Variants in FAM78B observed in about 807,000 individuals in gnomAD.
The protein encoded by FAM78B is protein FAM78B.
In FAM78B, 10 loss-of-function variants were observed where a neutral mutation model predicts 20.0. The ratio of observed to expected loss-of-function variants is 0.50; its 90% CI spans 0.31 to 0.85. FAM78B has a LOEUF of 0.85. Ranked by LOEUF, FAM78B falls within the 40% of genes least tolerant of loss-of-function variation. The pLI is 0.05. For missense variants in FAM78B, 283 were observed against 345.0 expected, an observed-to-expected ratio of 0.82 and a Z score of 1.42; for synonymous variants, 135 against 132.8, an observed-to-expected ratio of 1.02 and a Z score of -0.12.
intron 1 of FAM78B, among the ~76,000 whole-genome samples, chr1:166,117,293 G>A (rs903268864): frequency 2.0e-5 from 3 of 152,138 alleles, no homozygotes; most frequent in Admixed American, 2.0e-4. Flanking sequence ...GGGACATGTA[G>A]TTTGCTGTTG....
chr1:166,126,974 A>C (rs1182468831), intron 1 of FAM78B, among the ~76,000 whole-genome samples: 1 of 152,172 alleles, frequency 6.6e-6, no homozygotes, highest in Non-Finnish European at 1.5e-5. Context: ...TAAGACTCAG[A>C]TATTTGTGAT....
chr1:166,119,401 C>T (rs952844106), intron 1 of FAM78B, among the ~76,000 whole-genome samples: 1 of 152,102 alleles, frequency 6.6e-6, no homozygotes, highest in Non-Finnish European at 1.5e-5. Context: ...AAGGAGACGA[C>T]GCACATGGTA....
intron 1 of FAM78B, among the ~76,000 whole-genome samples, chr1:166,148,461 G>C (rs1014252414): frequency 1.3e-5 from 2 of 152,164 alleles, no homozygotes; most frequent in Non-Finnish European, 2.9e-5. Context: ...CAACTTACAT[G>C]GTCTTTCATG....
At chr1:166,074,754 G>T (rs1652200669) in intron 1 of FAM78B, among the ~76,000 whole-genome samples, 1 of 152,118 alleles carries the variant, frequency 6.6e-6, no homozygotes, top group African/African-American at 2.4e-5. Flanking sequence ...AAAGGAGGAG[G>T]CACATTTAAA....
At position 166,166,448 on chromosome 1, in the gene FAM78B, GACGTCCGCCC is replaced by G. The variant is rs1656394880; in HGVS notation, c.-210_-201del. The G allele has an allele frequency of 3.9e-6, 1 of 254,942 alleles. No homozygotes were observed. The highest frequency in any genetic ancestry group is 2.3e-5 in the African/African-American group (1 of 43,088). The allele number at this position is 254,942 out of a possible 1,614,324, so 15.8% of individuals were successfully genotyped here. ...AGCCGCGCGGGGTCCCCGCTGCCCC[GACGTCCGCCC>G]ACGCCCGCCCCCTCGCTCCGGCAGG... On this transcript the variant is annotated 5_prime_UTR_variant, in exon 1 of 2. It introduces an in-frame stop codon into an upstream open reading frame of the 5' UTR. Coordinates refer to ENST00000354422, the MANE Select transcript of FAM78B (RefSeq NM_001017961.5).
intron 1 of FAM78B, among the ~76,000 whole-genome samples, chr1:166,093,435 C>T (rs1653155608): frequency 6.6e-6 from 1 of 152,158 alleles, no homozygotes; most frequent in South Asian, 2.1e-4. Flanking sequence ...CATTTGTCTC[C>T]TTTTATATCC....
chr1:166,165,845 G>C (rs1029714125), intron 1 of FAM78B, 141 bp downstream of exon 1: 1 of 917,528 alleles, frequency 1.1e-6, no homozygotes, highest in Non-Finnish European at 1.6e-6. Flanking sequence ...GTAGGGAGGA[G>C]GGAGGTGGGA....
At chr1:166,114,890 C>A in intron 1 of FAM78B, among the ~76,000 whole-genome samples, 1 of 152,132 alleles carries the variant, frequency 6.6e-6, no homozygotes, top group East Asian at 1.9e-4. Flanking sequence ...GCATGTGTAT[C>A]CTGGGGCCTC....
intron 1 of FAM78B, among the ~76,000 whole-genome samples, chr1:166,107,547 A>G (rs1653833583): frequency 2.0e-5 from 3 of 152,192 alleles, no homozygotes; most frequent in African/African-American, 7.2e-5. Context: ...ACAGATTAAT[A>G]TAAGAATTCT....
At chr1:166,093,382 G>T (rs1653153846) in intron 1 of FAM78B, among the ~76,000 whole-genome samples, 1 of 152,072 alleles carries the variant, frequency 6.6e-6, no homozygotes, top group Non-Finnish European at 1.5e-5. Context: ...CCAAGTTCCT[G>T]CCCTTCCCAT....
intron 1 of FAM78B, among the ~76,000 whole-genome samples, chr1:166,097,557 GACCA>G (rs59123783): frequency 0.19 from 29,571 of 151,994 alleles, 3,251 homozygotes; most frequent in East Asian, 0.37. Flanking sequence ...TGGGGACTGA[GACCA>G]ACCAGCCCTT....
downstream of FAM78B, chr1:166,057,425 A>G (rs1382437671): frequency 6.6e-6 from 1 of 152,052 alleles, no homozygotes; most frequent in Non-Finnish European, 1.5e-5. Flanking sequence ...GAGAAAACAT[A>G]TTTTGTTGTT....
At chr1:166,146,667 C>T (rs575555074) in intron 1 of FAM78B, among the ~76,000 whole-genome samples, 3 of 152,144 alleles carry the variant, frequency 2.0e-5, no homozygotes, top group East Asian at 1.9e-4. Context: ...GGGTCAAGGG[C>T]GGCACATTAA....
At chr1:166,098,878 T>C (rs1203695202) in intron 1 of FAM78B, among the ~76,000 whole-genome samples, 13 of 152,114 alleles carry the variant, frequency 8.5e-5, no homozygotes, top group African/African-American at 3.1e-4. Context: ...GACATCCAAA[T>C]ACAAGGAGCA....
chr1:166,114,711 C>T (rs1654192200), intron 1 of FAM78B, among the ~76,000 whole-genome samples: 1 of 152,112 alleles, frequency 6.6e-6, no homozygotes, highest in Non-Finnish European at 1.5e-5. Context: ...TCAGAGGACA[C>T]GGGAGGGGAA....
intron 1 of FAM78B, among the ~76,000 whole-genome samples, chr1:166,109,312 G>GA (rs1653905907): frequency 2.0e-5 from 3 of 151,816 alleles, no homozygotes; most frequent in Admixed American, 2.0e-4. Context: ...AAATCAGTAA[G>GA]AAAAAAACAA....
chr1:166,067,433 C>A (rs1651835512), downstream of FAM78B, among the ~76,000 whole-genome samples: 1 of 151,888 alleles, frequency 6.6e-6, no homozygotes, highest in Non-Finnish European at 1.5e-5. Flanking sequence ...CTGAGACCAC[C>A]CAACTAAAAC....
intron 1 of FAM78B, among the ~76,000 whole-genome samples, chr1:166,107,040 C>G (rs944255118): frequency 6.6e-6 from 1 of 151,946 alleles, no homozygotes; most frequent in Non-Finnish European, 1.5e-5. Flanking sequence ...ATGCCTACAT[C>G]AAAAAGACTG....
intron 1 of FAM78B, chr1:166,087,251 G>C (rs934328563): frequency 6.6e-6 from 1 of 152,086 alleles, no homozygotes; most frequent in Non-Finnish European, 1.5e-5. Context: ...TTTTGATAGA[G>C]ACGGGGTTTC....
Sources: gnomAD v4.1 joint callset for allele counts (sites outside exome capture counted in the v4.1 genomes callset) on GRCh38, gnomAD v4.1.1 for gene constraint, MANE v1.5 for transcripts, NCBI Gene and HGNC (gene_info 2026-07-23, HGNC 2026-07-21) for gene names.